CPPED1: variants seen among roughly 807,000 people sequenced by gnomAD.
The protein encoded by CPPED1 is serine/threonine-protein phosphatase CPPED1.
Under a neutral mutation model 28.0 loss-of-function variants are expected in CPPED1, and 28 were observed. The ratio of observed to expected loss-of-function variants is 1.00; its 90% CI spans 0.74 to 1.37. The LOEUF is 1.37. Among genes scored for constraint, CPPED1 ranks in the 40% most tolerant of loss-of-function variants. The pLI is 0.00. For missense variants in CPPED1, 504 were observed against 416.5 expected (o/e 1.21, Z -1.83); for synonymous variants, 198 against 180.2 (o/e 1.10, Z -0.79).
intron 2 of CPPED1, chr16:12,720,433 A>G (rs2080133343): frequency 6.5e-6 from 1 of 154,190 alleles, no homozygotes; most frequent in Non-Finnish European, 1.5e-5. Flanking sequence ...TCAGTGAAGG[A>G]AACTTCTTGT....
chr16:12,722,557 C>T (rs1256653132), intron 2 of CPPED1, among the ~76,000 whole-genome samples: 7 of 152,162 alleles, frequency 4.6e-5, no homozygotes, highest in South Asian at 2.1e-4. Context: ...GGCAACACGG[C>T]GAGACCCTGT....
chr16:12,717,244 T>A lies in CPPED1; in HGVS notation c.290-12195A>T, dbSNP rs1225927842. On this transcript the variant is annotated intron_variant, in intron 2 of 3. Transcript: ENST00000381774. ...AGTACTCTACACAGATTATCTCATCTGAATCTATAAGAATCCTATTGGGAT... is the reference window on the plus strand; with the variant it reads ...AGTACTCTACACAGATTATCTCATCAGAATCTATAAGAATCCTATTGGGAT... Among the ~76,000 whole-genome samples, 9 of 152,330 alleles carry A rather than the reference T, an allele frequency of 5.9e-5. No individual in the cohort carries two copies. In the East Asian group the frequency reaches 1.7e-3, roughly 29 times the overall value.
chr16:12,766,254 T>C (rs1341292936), intron 2 of CPPED1, among the ~76,000 whole-genome samples: 1 of 127,990 alleles, frequency 7.8e-6, no homozygotes, highest in Admixed American at 7.2e-5. Flanking sequence ...TATATATATA[T>C]ATAGAGAGAG....
At chr16:12,754,723 G>T (rs1052538691) in intron 2 of CPPED1, among the ~76,000 whole-genome samples, 1 of 152,240 alleles carries the variant, frequency 6.6e-6, no homozygotes, top group African/African-American at 2.4e-5. Flanking sequence ...GCATAGGCAG[G>T]TGCTGTGGCT....
At chr16:12,765,840 A>T (rs1379964709) in intron 2 of CPPED1, among the ~76,000 whole-genome samples, 1 of 152,196 alleles carries the variant, frequency 6.6e-6, no homozygotes, top group African/African-American at 2.4e-5. Context: ...GCCATTTTCC[A>T]ACCTCTCATT....
chr16:12,739,038 G>A (rs1300698048), intron 2 of CPPED1, among the ~76,000 whole-genome samples: 1 of 152,082 alleles, frequency 6.6e-6, no homozygotes, highest in African/African-American at 2.4e-5. Context: ...GGCGGCTTTC[G>A]CATTGAGTCT....
At chr16:12,710,456 A>C (rs917385912) in intron 2 of CPPED1, among the ~76,000 whole-genome samples, 1 of 137,488 alleles carries the variant, frequency 7.3e-6, no homozygotes, top group Non-Finnish European at 1.6e-5. Context: ...TTACAGGCCA[A>C]AAAAAAAAAA....
intron 2 of CPPED1, among the ~76,000 whole-genome samples, chr16:12,769,006 C>T (rs2080455244): frequency 6.6e-6 from 1 of 152,036 alleles, no homozygotes; most frequent in Non-Finnish European, 1.5e-5. Context: ...GCTGGGATTA[C>T]AGGCACATGC....
chr16:12,755,032 A>T (rs912832474), intron 2 of CPPED1, among the ~76,000 whole-genome samples: 4 of 152,102 alleles, frequency 2.6e-5, no homozygotes, highest in Non-Finnish European at 5.9e-5. Context: ...GCTAGCAGAA[A>T]AAGGTAAGTC....
At chr16:12,688,269 T>C (rs1054596269) in intron 3 of CPPED1, among the ~76,000 whole-genome samples, 2 of 151,030 alleles carry the variant, frequency 1.3e-5, no homozygotes, top group African/African-American at 4.9e-5. Context: ...ATGTGACTTA[T>C]GGGGAGAGAA....
intron 2 of CPPED1, among the ~76,000 whole-genome samples, chr16:12,721,394 A>T (rs1486386706): frequency 6.6e-6 from 1 of 152,200 alleles, no homozygotes; most frequent in Non-Finnish European, 1.5e-5. Context: ...CCAAGTGTTG[A>T]CCTTCCCATT....
intron 2 of CPPED1, among the ~76,000 whole-genome samples, chr16:12,741,930 G>A (rs12051450): frequency 0.56 from 85,302 of 151,502 alleles, 24,165 homozygotes; most frequent in Admixed American, 0.63. Flanking sequence ...GCAGGGCTTC[G>A]TGGCACATGA....
At chr16:12,785,468 C>A (rs1324794348) in intron 1 of CPPED1, among the ~76,000 whole-genome samples, 1 of 147,480 alleles carries the variant, frequency 6.8e-6, no homozygotes. Flanking sequence ...CCCTCTGTCA[C>A]CTAGGCTCCA....
intron 2 of CPPED1, among the ~76,000 whole-genome samples, chr16:12,772,985 C>G (rs1472616869): frequency 1.3e-5 from 2 of 152,098 alleles, no homozygotes. Flanking sequence ...TCAATAAAGA[C>G]CATAAACAGC....
At chr16:12,731,361 GA>G (rs1453912803) in intron 2 of CPPED1, among the ~76,000 whole-genome samples, 2 of 148,150 alleles carry the variant, frequency 1.3e-5, no homozygotes, top group Admixed American at 1.3e-4. Context: ...CACTGCATTA[GA>G]AAAATTTTTT....
At chr16:12,732,068 C>A (rs1596463539) in intron 2 of CPPED1, among the ~76,000 whole-genome samples, 1 of 151,574 alleles carries the variant, frequency 6.6e-6, no homozygotes, top group East Asian at 1.9e-4. Flanking sequence ...GAGGCTGGGG[C>A]AGTAGAATCG....
intron 2 of CPPED1, among the ~76,000 whole-genome samples, chr16:12,778,979 T>C (rs765545658): frequency 1.3e-5 from 2 of 152,228 alleles, no homozygotes; most frequent in Non-Finnish European, 2.9e-5. Context: ...ATAAAAACTA[T>C]ATCTTTTAAT....
chr16:12,711,784 G>A (rs889850986), intron 2 of CPPED1, among the ~76,000 whole-genome samples: 19 of 152,150 alleles, frequency 1.2e-4, no homozygotes, highest in Non-Finnish European at 2.1e-4. Context: ...CTCTGAGCCT[G>A]TCTTCTAGAC....
chr16:12,786,461 G>A (rs1596485168), intron 1 of CPPED1, among the ~76,000 whole-genome samples: 1 of 152,104 alleles, frequency 6.6e-6, no homozygotes, highest in African/African-American at 2.4e-5. Context: ...TTTTTATTTT[G>A]TTTTGGTTTG....
Sources: allele counts gnomAD v4.1 joint callset (sites outside exome capture counted in the v4.1 genomes callset), GRCh38; gene constraint gnomAD v4.1.1; transcripts MANE v1.5; gene names NCBI Gene and HGNC (gene_info 2026-07-23, HGNC 2026-07-21).